The following CDYL variants were observed in gnomAD, a reference collection of about 807,000 sequenced individuals.
CDYL encodes chromodomain Y-like protein.
In CDYL, 8 loss-of-function variants were observed where a neutral mutation model predicts 47.3. That is an observed-to-expected ratio of 0.17 (90% confidence interval 0.10 to 0.31). The LOEUF is 0.31. Ranked by LOEUF, CDYL falls within the 10% of genes least tolerant of loss-of-function variation. The pLI, the probability that CDYL is intolerant of heterozygous loss-of-function variation, is 1.00. For synonymous variants in CDYL, 266 were observed against 265.0 expected (o/e 1.00, Z -0.04); for missense variants, 471 against 701.4 (o/e 0.67, Z 3.71).
chr6:4,872,734 C>A (rs1351180708), intron 1 of CDYL, among the ~76,000 whole-genome samples: 1 of 152,118 alleles, frequency 6.6e-6, no homozygotes, highest in Non-Finnish European at 1.5e-5. Context: ...ACTGTAGTTC[C>A]TAACTTTGCC....
At chr6:4,918,378 C>CT (rs1200146372) in intron 2 of CDYL, among the ~76,000 whole-genome samples, 155 of 149,804 alleles carry the variant, frequency 1.0e-3, no homozygotes, top group African/African-American at 1.6e-3. Flanking sequence ...TGCCCCCCCC[C>CT]CTTTTTTTTG....
chr6:4,755,227 AT>A (rs34342399), intron 3 of CDYL, among the ~76,000 whole-genome samples: 17,080 of 141,962 alleles, frequency 0.12, 1,026 homozygotes, highest in African/African-American at 0.17. Flanking sequence ...TGCCCACCTA[AT>A]TTTTTTTTTT....
At chr6:4,749,918 G>T (rs1029263613) in intron 3 of CDYL, among the ~76,000 whole-genome samples, 5 of 152,292 alleles carry the variant, frequency 3.3e-5, no homozygotes, top group South Asian at 4.1e-4. Flanking sequence ...CAAGTAGGGG[G>T]TTCAGATGAG....
At chr6:4,745,519 A>G (rs1228796870) in intron 3 of CDYL, among the ~76,000 whole-genome samples, 3 of 151,828 alleles carry the variant, frequency 2.0e-5, no homozygotes, top group Non-Finnish European at 2.9e-5. Flanking sequence ...GGCAGAAAAG[A>G]TCACTTGAGG....
At chr6:4,898,026 C>G (rs1280723329) in intron 2 of CDYL, among the ~76,000 whole-genome samples, 1 of 151,996 alleles carries the variant, frequency 6.6e-6, no homozygotes, top group Non-Finnish European at 1.5e-5. Flanking sequence ...CCACTGCACT[C>G]CAGCCTGGGC....
At chr6:4,790,295 G>A (rs1040687439) in intron 1 of CDYL, among the ~76,000 whole-genome samples, 5 of 152,206 alleles carry the variant, frequency 3.3e-5, no homozygotes, top group African/African-American at 7.2e-5. Context: ...TTAACAATGG[G>A]ACTTAATACT....
chr6:4,917,546 T>G (rs17138966), intron 2 of CDYL, among the ~76,000 whole-genome samples: 1 of 152,172 alleles, frequency 6.6e-6, no homozygotes, highest in Non-Finnish European at 1.5e-5. Flanking sequence ...TTAAAATTAA[T>G]GTAAATGTTA....
intron 1 of CDYL, among the ~76,000 whole-genome samples, chr6:4,816,615 C>T (rs1370305020): frequency 6.6e-6 from 1 of 151,512 alleles, no homozygotes. Context: ...CCTTCCACCT[C>T]AGCCTCCTGA....
chr6:4,804,743 A>G (rs1215314043), intron 1 of CDYL, among the ~76,000 whole-genome samples: 1 of 152,364 alleles, frequency 6.6e-6, no homozygotes, highest in Non-Finnish European at 1.5e-5. Flanking sequence ...ACTCATGACC[A>G]GTGGTGGAAA....
intron 1 of CDYL, among the ~76,000 whole-genome samples, chr6:4,849,694 A>T (rs990678772): frequency 6.6e-6 from 1 of 151,950 alleles, no homozygotes; most frequent in African/African-American, 2.4e-5. Context: ...AAAAAAAAAA[A>T]AAAGTCTCTT....
At chr6:4,910,347 G>A (rs1219779608) in intron 2 of CDYL, among the ~76,000 whole-genome samples, 1 of 152,184 alleles carries the variant, frequency 6.6e-6, no homozygotes, top group Non-Finnish European at 1.5e-5. Flanking sequence ...TTAAGTTCTT[G>A]TCTGTGGTTT....
chr6:4,726,723 A>G (rs997878664), intron 2 of CDYL, among the ~76,000 whole-genome samples: 2 of 151,924 alleles, frequency 1.3e-5, no homozygotes, highest in African/African-American at 2.4e-5. Context: ...AGTCGAATAA[A>G]TGTATCATAA....
At chr6:4,846,844 G>C (rs62386593) in intron 1 of CDYL, among the ~76,000 whole-genome samples, 12,310 of 152,214 alleles carry the variant, frequency 0.081, 611 homozygotes, top group South Asian at 0.12. Context: ...GACTGTTTTA[G>C]GCAAACCAAG....
At chr6:4,734,249 C>T (rs925517278) in intron 2 of CDYL, among the ~76,000 whole-genome samples, 6 of 152,224 alleles carry the variant, frequency 3.9e-5, no homozygotes, top group African/African-American at 1.4e-4. Context: ...AACTCTCTCT[C>T]TGGGAGGGTC....
intron 1 of CDYL, among the ~76,000 whole-genome samples, chr6:4,859,334 C>T (rs546368806): frequency 2.6e-5 from 4 of 151,918 alleles, no homozygotes; most frequent in East Asian, 3.9e-4. Flanking sequence ...ATGGTCATTG[C>T]GGATTACTTG....
intron 1 of CDYL, among the ~76,000 whole-genome samples, chr6:4,792,450 G>A (rs1347918339): frequency 1.1e-5 from 1 of 92,678 alleles, no homozygotes; most frequent in Non-Finnish European, 2.2e-5. Context: ...TTTTTTTTTT[G>A]AGACAGAGTC....
rs558258610 is a variant in CDYL, at chr6:4,954,691, C to G, written c.*635C>G. Reference sequence around the variant, plus strand: ...TCATGCTGAGATATCAATTGGTTTCCCCTTCTTTTTAAAATACGTCCAGTT... The same window carrying G: ...TCATGCTGAGATATCAATTGGTTTCGCCTTCTTTTTAAAATACGTCCAGTT... On this transcript the variant is annotated 3_prime_UTR_variant, in exon 7 of 7. Transcript: ENST00000397588. 2.0e-5 allele frequency: 3 copies of G among 152,504 alleles called. No homozygotes were observed. The highest frequency in any genetic ancestry group is 4.8e-5 in the African/African-American group (2 of 41,566). The allele number at this position is 152,504 out of a possible 1,614,324, so 9.4% of individuals were successfully genotyped here. A position where few individuals can be genotyped will look rare whatever the true frequency, so the allele number is the denominator to read the frequency against.
chr6:4,947,975 A>G (rs1758581692), intron 5 of CDYL, among the ~76,000 whole-genome samples: 1 of 152,170 alleles, frequency 6.6e-6, no homozygotes, highest in South Asian at 2.1e-4. Flanking sequence ...TGGCTTATCC[A>G]AGTCATTTGC....
chr6:4,759,749 T>TACA (rs1758140459), intron 3 of CDYL, among the ~76,000 whole-genome samples: 1 of 149,480 alleles, frequency 6.7e-6, no homozygotes, highest in South Asian at 2.1e-4. Flanking sequence ...CGTGGGGGTG[T>TACA]GTGCCTGTAA....
Sources: allele counts gnomAD v4.1 joint callset (sites outside exome capture counted in the v4.1 genomes callset), GRCh38; gene constraint gnomAD v4.1.1; transcripts MANE v1.5; gene names NCBI Gene and HGNC (gene_info 2026-07-23, HGNC 2026-07-21).